VGLL4: variants seen among roughly 807,000 people sequenced by gnomAD.
VGLL4 encodes the protein vestigial like family member 4, also known as transcription cofactor vestigial-like protein 4.
VGLL4 carries 7 observed loss-of-function variants against 21.0 expected under a neutral mutation model. The observed-to-expected ratio is 0.33, with a 90% CI of 0.19 to 0.63. The LOEUF (loss-of-function observed/expected upper bound fraction) is 0.63, where lower values mean the gene tolerates loss of function less well. VGLL4 is among the 20% of genes least tolerant of loss of function. The probability of loss-of-function intolerance (pLI) is 0.78; values close to 1 mark genes in which losing one functional copy is unlikely to be tolerated. For synonymous variants in VGLL4, 222 were observed against 173.2 expected (o/e 1.28, Z -2.21); for missense variants, 394 against 425.7 (o/e 0.93, Z 0.66).
chr3:11,572,799 C>T (rs913452294), intron 2 of VGLL4, among the ~76,000 whole-genome samples: 6 of 152,142 alleles, frequency 3.9e-5, no homozygotes, highest in Non-Finnish European at 5.9e-5. Flanking sequence ...TTCTTCCATA[C>T]GAATACACCA....
intron 2 of VGLL4, among the ~76,000 whole-genome samples, chr3:11,663,770 G>A (rs2076069505): frequency 6.6e-6 from 1 of 152,134 alleles, no homozygotes; most frequent in African/African-American, 2.4e-5. Context: ...TGTACACACT[G>A]AAGGGTTTGG....
chr3:11,711,388 C>A (rs557476220), intron 1 of VGLL4, among the ~76,000 whole-genome samples: 1 of 152,062 alleles, frequency 6.6e-6, no homozygotes, highest in South Asian at 2.1e-4. Context: ...CATGGTGAAA[C>A]CCCATCTCGA....
At chr3:11,634,887 G>A (rs927317724) in intron 1 of VGLL4, among the ~76,000 whole-genome samples, 2 of 152,092 alleles carry the variant, frequency 1.3e-5, no homozygotes, top group Admixed American at 1.3e-4. Context: ...GGCCAGGCAG[G>A]TCTCAAACTC....
At chr3:11,670,235 C>G (rs1457390219) in intron 2 of VGLL4, among the ~76,000 whole-genome samples, 3 of 152,082 alleles carry the variant, frequency 2.0e-5, no homozygotes, top group African/African-American at 7.2e-5. Context: ...TCCAGTGTTC[C>G]CTGGAAGACA....
At chr3:11,708,437 A>G (rs1358421204) in intron 1 of VGLL4, among the ~76,000 whole-genome samples, 1 of 152,200 alleles carries the variant, frequency 6.6e-6, no homozygotes, top group Non-Finnish European at 1.5e-5. Flanking sequence ...ACACACAAAA[A>G]AGCTGGGCAG....
intron 2 of VGLL4, among the ~76,000 whole-genome samples, chr3:11,675,036 C>T (rs779638200): frequency 2.6e-5 from 4 of 152,210 alleles, no homozygotes; most frequent in Non-Finnish European, 4.4e-5. Flanking sequence ...ACCATCTTTT[C>T]GGTTTTAACC....
intron 1 of VGLL4, among the ~76,000 whole-genome samples, chr3:11,635,641 C>T (rs1397519759): frequency 6.6e-6 from 1 of 152,190 alleles, no homozygotes; most frequent in Non-Finnish European, 1.5e-5. Flanking sequence ...TGGAACTTTA[C>T]CTTGTTCCCT....
At chr3:11,605,570 T>A (rs2074921766) in intron 1 of VGLL4, among the ~76,000 whole-genome samples, 1 of 151,970 alleles carries the variant, frequency 6.6e-6, no homozygotes, top group South Asian at 2.1e-4. Flanking sequence ...CAAAACCACT[T>A]AAAATGCCTC....
At chr3:11,577,958 G>T (rs2074102646) in intron 2 of VGLL4, among the ~76,000 whole-genome samples, 1 of 152,114 alleles carries the variant, frequency 6.6e-6, no homozygotes, top group East Asian at 1.9e-4. Flanking sequence ...GTCACCCACA[G>T]GGCACATGCC....
chr3:11,597,800 T>C (rs35913374), intron 2 of VGLL4, among the ~76,000 whole-genome samples: 20,250 of 152,132 alleles, frequency 0.13, 1,787 homozygotes, highest in South Asian at 0.23. Context: ...ATCCCAGTCA[T>C]TGGCTTTCTG....
intron 2 of VGLL4, among the ~76,000 whole-genome samples, chr3:11,574,783 ATATGTGTGTGTGTGTGTGTGTG>A (rs952285272): frequency 1.3e-4 from 15 of 111,782 alleles, no homozygotes; most frequent in African/African-American, 3.9e-4. Context: ...ATTCAACTAT[ATATGTGTGTGTGTGTGTGTGTG>A]TGTGTGTGTG....
intron 2 of VGLL4, among the ~76,000 whole-genome samples, chr3:11,670,574 T>C (rs2125366897): frequency 6.6e-6 from 1 of 152,290 alleles, no homozygotes; most frequent in Middle Eastern, 3.4e-3. Context: ...CATTTTTGCA[T>C]TACATATAAG....
At chr3:11,702,946 AT>A in intron 2 of VGLL4, 3 of 1,600,690 alleles carry the variant, frequency 1.9e-6, no homozygotes, top group Non-Finnish European at 2.6e-6. Flanking sequence ...CACTTAAGCT[AT>A]TTTATAATAG....
At chr3:11,576,923 G>A (rs191871584) in intron 2 of VGLL4, among the ~76,000 whole-genome samples, 3 of 152,230 alleles carry the variant, frequency 2.0e-5, no homozygotes, top group African/African-American at 7.2e-5. Flanking sequence ...GTGTCTGCTC[G>A]GTAGGCTGCT....
In VGLL4 at chr3:11,573,320, A is replaced by AAGG. The variant is rs2073912568; in HGVS notation, c.273-8302_273-8301insCCT. Among the ~76,000 whole-genome samples, 5 of 27,380 alleles carry AAGG rather than the reference A, an allele frequency of 1.8e-4. 1 individual carries two copies. Among genetic ancestry groups the AAGG allele is most frequent in the Admixed American group, 7.3e-4 (2 of 2,758 alleles). 18.0% of individuals were successfully genotyped at this position (27,380 alleles called of 152,430 possible). Reference sequence around the variant, plus strand: ...GAAAGAAAGAAAGGAAGGAAGGAAGAAAGAAAGAAAGAAAGAAAGAAAGAA... The same window carrying AAGG: ...GAAAGAAAGAAAGGAAGGAAGGAAGAAGGAAGAAAGAAAGAAAGAAAGAAAGAA... On this transcript the variant is annotated intron_variant, in intron 2 of 4. Coordinates refer to ENST00000430365, the MANE Select transcript of VGLL4 (RefSeq NM_001128219.3).
chr3:11,707,586 A>C (rs1228696171), intron 1 of VGLL4, among the ~76,000 whole-genome samples: 1 of 151,974 alleles, frequency 6.6e-6, no homozygotes, highest in Non-Finnish European at 1.5e-5. Flanking sequence ...GTGGTGGCTC[A>C]GCCATGTAAT....
chr3:11,571,204 G>C (rs2073761587), intron 2 of VGLL4, among the ~76,000 whole-genome samples: 1 of 152,160 alleles, frequency 6.6e-6, no homozygotes, highest in South Asian at 2.1e-4. Context: ...ATCCTCGCTG[G>C]CAGGGACACA....
intron 2 of VGLL4, among the ~76,000 whole-genome samples, chr3:11,575,738 A>C (rs2074019386): frequency 6.6e-6 from 1 of 152,190 alleles, no homozygotes; most frequent in Non-Finnish European, 1.5e-5. Context: ...TGGCCCAAAA[A>C]GCCAGGTGGC....
chr3:11,666,930 C>T (rs893684099), intron 2 of VGLL4, among the ~76,000 whole-genome samples: 1 of 152,318 alleles, frequency 6.6e-6, no homozygotes, highest in South Asian at 2.1e-4. Flanking sequence ...TCAGGTTCCC[C>T]CTCTCCAGCC....
Sources: gnomAD v4.1 joint callset for allele counts (sites outside exome capture counted in the v4.1 genomes callset) on GRCh38, gnomAD v4.1.1 for gene constraint, MANE v1.5 for transcripts, NCBI Gene and HGNC (gene_info 2026-07-23, HGNC 2026-07-21) for gene names.